Variants in RPS6KC1 observed in about 807,000 individuals in gnomAD.
RPS6KC1 encodes the protein ribosomal protein S6 kinase C1.
A neutral mutation model predicts 103.8 loss-of-function variants in RPS6KC1; 54 were observed. The ratio of observed to expected loss-of-function variants is 0.52; its 90% CI spans 0.42 to 0.65. The LOEUF (loss-of-function observed/expected upper bound fraction) is 0.65. Ranked by LOEUF, RPS6KC1 falls within the 30% of genes least tolerant of loss-of-function variation. The pLI, the probability that RPS6KC1 is intolerant of heterozygous loss-of-function variation, is 0.00. For synonymous variants in RPS6KC1, 439 were observed against 438.7 expected, an observed-to-expected ratio of 1.00 and a Z score of -0.01; for missense variants, 1,151 against 1,253.8, an observed-to-expected ratio of 0.92 and a Z score of 1.24.
chr1:213,503,340 T>A, the RPS6KC1 span, among the ~76,000 whole-genome samples: 2 of 152,296 alleles, frequency 1.3e-5, no homozygotes, highest in East Asian at 3.9e-4. Context: ...AGATAGCCGA[T>A]AACTTGTGGC....
chr1:213,258,557 C>T (rs1232906132), intron 12 of RPS6KC1, among the ~76,000 whole-genome samples: 1 of 152,144 alleles, frequency 6.6e-6, no homozygotes, highest in Non-Finnish European at 1.5e-5. Context: ...TGTGCTGCTT[C>T]ATGTGTGTTG....
At chr1:213,335,908 C>G in the RPS6KC1 span, among the ~76,000 whole-genome samples, 1 of 152,134 alleles carries the variant, frequency 6.6e-6, no homozygotes, top group Non-Finnish European at 1.5e-5. Context: ...AGGAGGTGAT[C>G]CGGTTTAGTG....
the RPS6KC1 span, among the ~76,000 whole-genome samples, chr1:213,611,175 T>C: frequency 6.6e-6 from 1 of 152,186 alleles, no homozygotes; most frequent in African/African-American, 2.4e-5. Flanking sequence ...TTTATTTTCT[T>C]TTATGTGGAG....
the RPS6KC1 span, among the ~76,000 whole-genome samples, chr1:213,284,422 A>G: frequency 9.4e-6 from 1 of 106,582 alleles, no homozygotes; most frequent in East Asian, 2.8e-4. Flanking sequence ...CTGAGGCACA[A>G]GAATAGCTTG....
chr1:213,621,825 C>T, the RPS6KC1 span, among the ~76,000 whole-genome samples: 1 of 152,120 alleles, frequency 6.6e-6, no homozygotes, highest in Admixed American at 6.5e-5. Flanking sequence ...AGGTACCATA[C>T]CCTGAAGTCG....
chr1:213,357,473 A>G, the RPS6KC1 span, among the ~76,000 whole-genome samples: 1 of 152,238 alleles, frequency 6.6e-6, no homozygotes, highest in South Asian at 2.1e-4. Context: ...ACGAAAGATT[A>G]GAATCGGAAA....
chr1:213,151,195 T>A (rs1467910407), intron 6 of RPS6KC1, among the ~76,000 whole-genome samples: 3 of 71,344 alleles, frequency 4.2e-5, no homozygotes, highest in South Asian at 5.0e-4. Flanking sequence ...CCCTCCCGGA[T>A]GGGGCGGCTG....
chr1:213,080,524 C>T (rs1160711031), intron 3 of RPS6KC1, among the ~76,000 whole-genome samples: 6 of 152,058 alleles, frequency 3.9e-5, no homozygotes, highest in Admixed American at 6.6e-5. Flanking sequence ...TAATTAAGCT[C>T]GTAATGTATA....
At position 213,208,783 on chromosome 1, in the gene RPS6KC1, A is replaced by G. The variant is rs12063331; in HGVS notation, c.1045-21714A>G. Among the ~76,000 whole-genome samples, 526 of 151,772 alleles carry G rather than the reference A, an allele frequency of 3.5e-3. 3 individuals carry two copies. The highest frequency in any genetic ancestry group is 0.012 in the African/African-American group (494 of 41,368). The stretch of plus-strand genomic sequence containing the variant: ...TTTAGCTGTTTGTAGTATCTGTCTC[A>G]TTCCACATCTTCAGAGGTTGAACCT... On this transcript the variant is annotated intron_variant, in intron 8 of 14. Coordinates refer to ENST00000366960, the MANE Select transcript of RPS6KC1 (RefSeq NM_012424.6).
the RPS6KC1 span, among the ~76,000 whole-genome samples, chr1:213,553,525 G>A: frequency 6.6e-6 from 1 of 152,144 alleles, no homozygotes; most frequent in Non-Finnish European, 1.5e-5. Context: ...TATATGCCCA[G>A]TAATGGTATT....
intron 5 of RPS6KC1, among the ~76,000 whole-genome samples, chr1:213,118,928 T>TTG (rs1558356409): frequency 1.3e-5 from 2 of 152,088 alleles, no homozygotes; most frequent in East Asian, 3.9e-4. Flanking sequence ...TATCTGTTCT[T>TTG]TGTGACCTAT....
At chr1:213,395,680 A>G in the RPS6KC1 span, among the ~76,000 whole-genome samples, 1 of 152,242 alleles carries the variant, frequency 6.6e-6, no homozygotes, top group East Asian at 1.9e-4. Context: ...ATTTCAAGCT[A>G]CTAATGGTTT....
chr1:213,519,349 A>G, the RPS6KC1 span, among the ~76,000 whole-genome samples: 4 of 152,240 alleles, frequency 2.6e-5, no homozygotes, highest in Non-Finnish European at 5.9e-5. Context: ...CCGAGCTTAT[A>G]AAACTGAGAA....
At chr1:213,205,441 C>T (rs2093310767) in intron 8 of RPS6KC1, 1 of 921,608 alleles carries the variant, frequency 1.1e-6, no homozygotes, top group Non-Finnish European at 1.3e-6. Flanking sequence ...GGGAAGTAGC[C>T]CTCTTAATCA....
At chr1:213,400,001 C>G in the RPS6KC1 span, among the ~76,000 whole-genome samples, 1 of 152,088 alleles carries the variant, frequency 6.6e-6, no homozygotes, top group African/African-American at 2.4e-5. Context: ...CAGGCATGGC[C>G]GAGGAGGGCT....
At chr1:213,440,649 C>A in the RPS6KC1 span, among the ~76,000 whole-genome samples, 4 of 144,868 alleles carry the variant, frequency 2.8e-5, no homozygotes, top group Admixed American at 2.8e-4. Flanking sequence ...GGGTTCTTTG[C>A]ACAAACCAAG....
chr1:213,830,029 C>T, the RPS6KC1 span, among the ~76,000 whole-genome samples: 1 of 152,166 alleles, frequency 6.6e-6, no homozygotes, highest in East Asian at 1.9e-4. Context: ...CCTGTCAGAA[C>T]CTCTTTAACC....
chr1:213,399,942 T>G, the RPS6KC1 span, among the ~76,000 whole-genome samples: 1 of 152,104 alleles, frequency 6.6e-6, no homozygotes, highest in Admixed American at 6.5e-5. Flanking sequence ...CAGGGTATTT[T>G]TAGCGAAGAG....
the RPS6KC1 span, among the ~76,000 whole-genome samples, chr1:213,285,884 C>T: frequency 9.9e-5 from 15 of 152,270 alleles, no homozygotes; most frequent in African/African-American, 2.9e-4. Context: ...AAGAGAGCAC[C>T]GTCTTTGAAG....
Sources: allele counts gnomAD v4.1 joint callset (sites outside exome capture counted in the v4.1 genomes callset), GRCh38; gene constraint gnomAD v4.1.1; transcripts MANE v1.5; gene names NCBI Gene and HGNC (gene_info 2026-07-23, HGNC 2026-07-21).